The following ADAM9 variants were observed in gnomAD, a reference collection of about 807,000 sequenced individuals.
ADAM9 encodes ADAM metallopeptidase domain 9.
Under a neutral mutation model 108.1 loss-of-function variants are expected in ADAM9, and 54 were observed. The ratio of observed to expected loss-of-function variants is 0.50; its 90% confidence interval spans 0.40 to 0.63. The LOEUF (loss-of-function observed/expected upper bound fraction) is 0.63. Ranked by LOEUF, ADAM9 falls within the 20% of genes least tolerant of loss-of-function variation. The probability of loss-of-function intolerance (pLI) is 0.00; values close to 1 mark genes in which losing one functional copy is unlikely to be tolerated. For synonymous variants in ADAM9, 316 were observed against 336.0 expected (o/e 0.94, Z 0.65); for missense variants, 830 against 997.7 (o/e 0.83, Z 2.26).
At chr8:39,059,938 A>G (rs1049688707) in intron 14 of ADAM9, among the ~76,000 whole-genome samples, 7 of 152,196 alleles carry the variant, frequency 4.6e-5, no homozygotes, top group Non-Finnish European at 2.9e-5. Flanking sequence ...CATGTGGGGC[A>G]CTTCTTTATG....
At chr8:39,016,408 A>T (rs1439654203) in intron 5 of ADAM9, among the ~76,000 whole-genome samples, 1 of 151,992 alleles carries the variant, frequency 6.6e-6, no homozygotes, top group Non-Finnish European at 1.5e-5. Context: ...TAAAGAGGAA[A>T]TTTTTTTTGA....
At chr8:39,055,304 A>G (rs1312869293) in intron 13 of ADAM9, among the ~76,000 whole-genome samples, 2 of 152,102 alleles carry the variant, frequency 1.3e-5, no homozygotes, top group African/African-American at 4.8e-5. Context: ...CAGGCACTAT[A>G]CTCCTAGTTA....
chr8:39,099,204 C>G (rs1480235204), intron 20 of ADAM9, among the ~76,000 whole-genome samples: 2 of 152,272 alleles, frequency 1.3e-5, no homozygotes, highest in Middle Eastern at 6.8e-3. Context: ...TTCCATCCAG[C>G]TCAGGCCCCA....
intron 2 of ADAM9, among the ~76,000 whole-genome samples, chr8:39,009,852 C>T (rs1476681359): frequency 7.8e-6 from 1 of 129,002 alleles, no homozygotes; most frequent in Non-Finnish European, 1.5e-5. Context: ...TATGCCCTTG[C>T]ATGAATGCAG....
At chr8:39,002,893 A>G (rs1317337123) in intron 1 of ADAM9, among the ~76,000 whole-genome samples, 1 of 151,882 alleles carries the variant, frequency 6.6e-6, no homozygotes, top group Non-Finnish European at 1.5e-5. Flanking sequence ...GCTGGAGTGC[A>G]GTGGTGCAAT....
intron 20 of ADAM9, among the ~76,000 whole-genome samples, chr8:39,095,076 C>G (rs2129443420): frequency 6.6e-6 from 1 of 152,136 alleles, no homozygotes; most frequent in Admixed American, 6.5e-5. Flanking sequence ...ATTGCTTTTT[C>G]TGTGTTGCAT....
intron 7 of ADAM9, among the ~76,000 whole-genome samples, chr8:39,019,264 G>T (rs761158353): frequency 6.6e-6 from 1 of 152,128 alleles, no homozygotes; most frequent in Admixed American, 6.5e-5. Context: ...AAAAGGTTTG[G>T]CTTTGTTGGC....
chr8:39,080,883 G>A (rs189287199), intron 16 of ADAM9, among the ~76,000 whole-genome samples: 5 of 151,358 alleles, frequency 3.3e-5, no homozygotes, highest in African/African-American at 1.2e-4. Flanking sequence ...GTTGGTGGTG[G>A]CCATGGGTGG....
intron 9 of ADAM9, among the ~76,000 whole-genome samples, chr8:39,023,617 T>C (rs1168900757): frequency 6.6e-6 from 1 of 152,138 alleles, no homozygotes; most frequent in Non-Finnish European, 1.5e-5. Context: ...CTCCTGTGTG[T>C]CTGAAAATAT....
intron 16 of ADAM9, 117 bp downstream of exon 16, chr8:39,077,528 T>C: frequency 9.7e-7 from 1 of 1,031,404 alleles, no homozygotes; most frequent in South Asian, 1.9e-5. Context: ...ATTATAGAAA[T>C]TTTAGAAAAT....
intron 9 of ADAM9, among the ~76,000 whole-genome samples, chr8:39,023,768 A>G (rs371163852): frequency 2.0e-4 from 20 of 100,414 alleles, no homozygotes; most frequent in African/African-American, 8.8e-4. Context: ...TTTTTTGGAG[A>G]CAGAGTCTCA....
At chr8:39,066,700 T>C (rs1838489375) in intron 14 of ADAM9, among the ~76,000 whole-genome samples, 1 of 152,228 alleles carries the variant, frequency 6.6e-6, no homozygotes, top group South Asian at 2.1e-4. Flanking sequence ...ATTTTGTAGG[T>C]TGCCTGTTCA....
At chr8:39,030,813 TC>T (rs774006440) in intron 11 of ADAM9, among the ~76,000 whole-genome samples, 2 of 152,248 alleles carry the variant, frequency 1.3e-5, no homozygotes, top group Admixed American at 6.5e-5. Flanking sequence ...TAGTGGTATC[TC>T]ATTGTTTCAA....
At chr8:39,094,625 T>A in intron 20 of ADAM9, among the ~76,000 whole-genome samples, 1 of 152,284 alleles carries the variant, frequency 6.6e-6, no homozygotes, top group South Asian at 2.1e-4. Context: ...TTTTCAGATT[T>A]TTTATTTTGT....
chr8:39,056,451 C>G (rs1407354392), intron 14 of ADAM9, among the ~76,000 whole-genome samples: 22 of 152,106 alleles, frequency 1.4e-4, no homozygotes, highest in Admixed American at 1.4e-3. Context: ...TAATTTCTCA[C>G]TATAGAAGAT....
intron 2 of ADAM9, 134 bp from the exon 3 acceptor site, chr8:39,011,524 C>T (rs188155300): frequency 4.1e-6 from 3 of 740,660 alleles, no homozygotes; most frequent in Non-Finnish European, 6.8e-6. Context: ...ACACAAAGTT[C>T]TTCTATTAAA....
chr8:39,054,493 G>T lies in ADAM9; in HGVS notation c.1315G>T (p.Asp439Tyr). The T allele has an allele frequency of 6.2e-7, 1 of 1,611,996 alleles. No individual in the cohort carries two copies. The highest frequency in any genetic ancestry group is 8.5e-7 in the Non-Finnish European group (1 of 1,178,970). The change falls in exon 13 of 22, where the codon GAC (aspartate) becomes TAC (tyrosine). Residue 439 changes from aspartate (D) to tyrosine (Y), a missense_variant. Coordinates refer to ENST00000487273, the MANE Select transcript of ADAM9 (RefSeq NM_003816.3). Reference sequence around the variant, plus strand: ...TTTATGTTCACAGGAATGTGAATTGGACCCTTGCTGCGAAGGAAGTACCTG... The same window carrying T: ...TTTATGTTCACAGGAATGTGAATTGTACCCTTGCTGCGAAGGAAGTACCTG... ...DCGTPKECELDPCCEGSTCKL... is the reference protein window; with the variant it reads ...DCGTPKECELYPCCEGSTCKL...
intron 11 of ADAM9, among the ~76,000 whole-genome samples, chr8:39,035,330 A>G (rs1285466017): frequency 6.6e-6 from 1 of 152,108 alleles, no homozygotes; most frequent in Non-Finnish European, 1.5e-5. Context: ...TTCCTGCCCA[A>G]ATTTTCATGC....
At chr8:39,022,611 A>G (rs1362440027) in intron 8 of ADAM9, among the ~76,000 whole-genome samples, 3 of 152,242 alleles carry the variant, frequency 2.0e-5, no homozygotes, top group South Asian at 2.1e-4. Flanking sequence ...CTTAATTTCC[A>G]GAGTTTGTCA....
Sources: allele counts gnomAD v4.1 joint callset (sites outside exome capture counted in the v4.1 genomes callset), GRCh38; gene constraint gnomAD v4.1.1; transcripts MANE v1.5; gene names NCBI Gene and HGNC (gene_info 2026-07-23, HGNC 2026-07-21).